GLRA2: variants seen among roughly 807,000 people sequenced by gnomAD.
GLRA2 encodes the protein glycine receptor subunit alpha-2.
In GLRA2, 11 loss-of-function variants were observed where a neutral mutation model predicts 31.6. That is an observed-to-expected ratio of 0.35 (90% confidence interval 0.22 to 0.58). The LOEUF (loss-of-function observed/expected upper bound fraction) is 0.58. Among genes scored for constraint, GLRA2 ranks in the 20% least tolerant of loss-of-function variants. GLRA2 has a pLI of 0.84. For missense variants in GLRA2, 212 were observed against 351.8 expected (o/e 0.60, Z 3.18); for synonymous variants, 132 against 134.0 (o/e 0.99, Z 0.10).
intron 4 of GLRA2, among the ~76,000 whole-genome samples, chrX:14,598,265 CT>C (rs1012582075): frequency 8.9e-6 from 1 of 111,962 alleles, no homozygotes; most frequent in African/African-American, 3.2e-5. Context: ...TCAATCCTTG[CT>C]TTAGGGAAGC....
intron 7 of GLRA2, among the ~76,000 whole-genome samples, chrX:14,676,979 A>G (rs1367071190): frequency 8.9e-6 from 1 of 111,878 alleles, no homozygotes; most frequent in Non-Finnish European, 1.9e-5. Flanking sequence ...CATCTCACTT[A>G]TCTGTTCAAA....
chrX:14,460,195 A>G, the GLRA2 span, among the ~76,000 whole-genome samples: 1 of 111,867 alleles, frequency 8.9e-6, no homozygotes, highest in East Asian at 2.8e-4. Context: ...CGTATGTTGT[A>G]CCAGCCTTGT....
Position 14,697,489 on chromosome X carries a change from T to C in GLRA2, c.1080+6630T>C, listed in dbSNP as rs6630852. On this transcript the variant is annotated intron_variant, in intron 8 of 8. Coordinates refer to ENST00000218075, the MANE Select transcript of GLRA2 (RefSeq NM_002063.4). ...TCGAAAAAATAATAATAATCACTAC[T>C]ATCCAGGCATCTTTTCTTCATATGT... Among the ~76,000 whole-genome samples the C allele has an allele frequency of 9.8e-5, 11 of 111,941 alleles. No homozygotes were observed. In the East Asian group the frequency reaches 1.7e-3, roughly 17 times the overall value.
At chrX:14,577,271 T>C (rs988746317) in intron 3 of GLRA2, among the ~76,000 whole-genome samples, 16 of 113,461 alleles carry the variant, frequency 1.4e-4, no homozygotes, top group African/African-American at 3.8e-4. Flanking sequence ...TGTGTACCAA[T>C]AAAGTTTTAT....
chrX:14,600,811 C>T (rs1371151649), intron 4 of GLRA2, among the ~76,000 whole-genome samples: 1 of 111,108 alleles, frequency 9.0e-6, no homozygotes, highest in African/African-American at 3.3e-5. Flanking sequence ...CTAATTGAGG[C>T]TTTGTTTCCT....
chrX:14,614,505 C>A (rs1391019571), intron 7 of GLRA2, among the ~76,000 whole-genome samples: 1 of 111,479 alleles, frequency 9.0e-6, no homozygotes, highest in Admixed American at 9.6e-5. Flanking sequence ...AGATGACTCA[C>A]CTTTGGCTAT....
At chrX:14,584,296 A>C (rs920630346) in intron 4 of GLRA2, among the ~76,000 whole-genome samples, 2 of 111,876 alleles carry the variant, frequency 1.8e-5, no homozygotes, top group African/African-American at 6.5e-5. Flanking sequence ...TGTAACATCT[A>C]CCAAATGTCT....
the GLRA2 span, among the ~76,000 whole-genome samples, chrX:14,505,516 C>T: frequency 9.0e-6 from 1 of 111,549 alleles, no homozygotes; most frequent in African/African-American, 3.3e-5. Flanking sequence ...TAAAGAGATA[C>T]AGACAATTTG....
At chrX:14,487,313 T>C in the GLRA2 span, among the ~76,000 whole-genome samples, 1 of 105,025 alleles carries the variant, frequency 9.5e-6, no homozygotes, top group South Asian at 4.4e-4. Flanking sequence ...TTCTAGGACA[T>C]TCTTATCTCC....
the GLRA2 span, among the ~76,000 whole-genome samples, chrX:14,463,104 C>T: frequency 9.0e-6 from 1 of 111,671 alleles, no homozygotes; most frequent in East Asian, 2.8e-4. Flanking sequence ...CAGACAGGCC[C>T]CTCAGCTGCA....
chrX:14,484,562 G>A, the GLRA2 span, among the ~76,000 whole-genome samples: 1 of 112,334 alleles, frequency 8.9e-6, no homozygotes, highest in Non-Finnish European at 1.9e-5. Context: ...GAGTAGCATA[G>A]AGGGATGGAG....
At chrX:14,600,051 G>GA (rs1182129835) in intron 4 of GLRA2, among the ~76,000 whole-genome samples, 28 of 109,229 alleles carry the variant, frequency 2.6e-4, no homozygotes, top group African/African-American at 5.0e-4. Context: ...AAACAAAGAA[G>GA]AAAAAAAAAC....
At chrX:14,659,375 G>C (rs924660521) in intron 7 of GLRA2, among the ~76,000 whole-genome samples, 1 of 112,065 alleles carries the variant, frequency 8.9e-6, no homozygotes, top group African/African-American at 3.2e-5. Context: ...GATTATTTAT[G>C]ACATTTACCA....
intron 7 of GLRA2, among the ~76,000 whole-genome samples, chrX:14,634,821 C>G (rs2090691272): frequency 8.9e-6 from 1 of 111,975 alleles, no homozygotes; most frequent in Admixed American, 9.5e-5. Flanking sequence ...GGTTAGAGAT[C>G]TTTCAACTTT....
In GLRA2 at chrX:14,621,337, TA is replaced by T. The variant is rs200277423; in HGVS notation, c.930+12136del. Among the ~76,000 whole-genome samples, 188 of 109,834 alleles carry T rather than the reference TA, an allele frequency of 1.7e-3. 3 individuals carry two copies. The highest frequency in any genetic ancestry group is 5.5e-3 in the African/African-American group (167 of 30,120). On this transcript the variant is annotated intron_variant, in intron 7 of 8. Transcript: ENST00000218075. ...GGTCCAGACATCAGCATTTTTTTTT[TA>T]AAACTAAAAGTTTGTTCTGATTATT...
At chrX:14,681,759 G>C (rs1157763508) in intron 7 of GLRA2, among the ~76,000 whole-genome samples, 3 of 103,589 alleles carry the variant, frequency 2.9e-5, no homozygotes, top group African/African-American at 1.0e-4. Context: ...AGGTGTGGTG[G>C]CACGTGCCTG....
chrX:14,619,946 C>A (rs2090496528), intron 7 of GLRA2, among the ~76,000 whole-genome samples: 1 of 108,466 alleles, frequency 9.2e-6, no homozygotes, highest in South Asian at 4.1e-4. Flanking sequence ...ATCCATCTAA[C>A]CTTTATCTAA....
chrX:14,586,990 G>A (rs1400507988), intron 4 of GLRA2, among the ~76,000 whole-genome samples: 2 of 111,577 alleles, frequency 1.8e-5, no homozygotes, highest in Non-Finnish European at 1.9e-5. Flanking sequence ...TAGTAAGTAG[G>A]AAAGCTAGGA....
At chrX:14,558,336 T>C (rs568346657) in intron 2 of GLRA2, among the ~76,000 whole-genome samples, 3 of 112,282 alleles carry the variant, frequency 2.7e-5, no homozygotes, top group Admixed American at 9.4e-5. Flanking sequence ...TAAGCATCAT[T>C]ATTTCTATTC....
Sources: gnomAD v4.1 joint callset for allele counts (sites outside exome capture counted in the v4.1 genomes callset) on GRCh38, gnomAD v4.1.1 for gene constraint, MANE v1.5 for transcripts, NCBI Gene and HGNC (gene_info 2026-07-23, HGNC 2026-07-21) for gene names.